MACROD1: variants seen among roughly 807,000 people sequenced by gnomAD.
MACROD1 encodes mono-ADP ribosylhydrolase 1, also known as ADP-ribose glycohydrolase MACROD1.
MACROD1 carries 31 observed loss-of-function variants against 41.4 expected under a neutral mutation model. The ratio of observed to expected loss-of-function variants is 0.75; its 90% confidence interval spans 0.56 to 1.01. The LOEUF (loss-of-function observed/expected upper bound fraction) is 1.01. MACROD1 is among the 50% of genes least tolerant of loss of function. MACROD1 has a pLI of 0.00. For missense variants in MACROD1, 473 were observed against 460.0 expected, an observed-to-expected ratio of 1.03 and a Z score of -0.26; for synonymous variants, 252 against 203.4, an observed-to-expected ratio of 1.24 and a Z score of -2.03.
intron 3 of MACROD1, among the ~76,000 whole-genome samples, chr11:64,042,960 C>G (rs772953559): frequency 3.9e-5 from 6 of 152,244 alleles, no homozygotes; most frequent in Non-Finnish European, 7.3e-5. Context: ...GAGACACGCC[C>G]TGTCCAGTGC....
rs764292843 is a variant in MACROD1 at position 64,061,761 on chromosome 11, A to G, written c.518-46480T>C. ...GTCACCCAAGCTGGAGTGCAATGGCACGATCACAGCTCACTGCAGCCTCAA... is the reference window on the plus strand; with the variant it reads ...GTCACCCAAGCTGGAGTGCAATGGCGCGATCACAGCTCACTGCAGCCTCAA... On this transcript the variant is annotated intron_variant, in intron 3 of 10. Transcript: ENST00000255681. 1.8e-3 allele frequency among the ~76,000 whole-genome samples: 271 copies of G among 150,274 alleles called. 1 individual carries two copies. Among genetic ancestry groups the G allele is most frequent in the Non-Finnish European group, 6.0e-4 (41 of 67,790 alleles).
chr11:64,027,479 A>T (rs984206628), intron 3 of MACROD1, among the ~76,000 whole-genome samples: 7 of 152,120 alleles, frequency 4.6e-5, no homozygotes, highest in African/African-American at 1.2e-4. Context: ...ATGGGACTGG[A>T]TCAAGGATGC....
At chr11:64,021,481 A>G (rs1943151454) in intron 3 of MACROD1, among the ~76,000 whole-genome samples, 1 of 152,078 alleles carries the variant, frequency 6.6e-6, no homozygotes, top group Non-Finnish European at 1.5e-5. Context: ...GACCCAAGGA[A>G]AGCGCTGAGC....
At chr11:64,155,513 C>T (rs908689946) in intron 1 of MACROD1, among the ~76,000 whole-genome samples, 5 of 152,212 alleles carry the variant, frequency 3.3e-5, no homozygotes, top group African/African-American at 1.2e-4. Flanking sequence ...CTTGCTAACA[C>T]CCAGGCTTGC....
chr11:64,046,591 G>A (rs376067080), intron 3 of MACROD1, among the ~76,000 whole-genome samples: 2 of 152,096 alleles, frequency 1.3e-5, no homozygotes, highest in Admixed American at 6.5e-5. Flanking sequence ...TGTTCTCGTC[G>A]CTCAGGCTAG....
chr11:64,015,243 TC>T lies in MACROD1; in HGVS notation c.547+8del. 1 of 1,583,642 alleles carries T rather than the reference TC, an allele frequency of 6.3e-7. No individual in the cohort carries two copies. Among genetic ancestry groups the T allele is most frequent in the Non-Finnish European group, 8.6e-7 (1 of 1,165,018 alleles). On this transcript the variant is annotated splice_region_variant and intron_variant, in intron 4 of 10. Coordinates refer to ENST00000255681, the MANE Select transcript of MACROD1 (RefSeq NM_014067.4). The stretch of plus-strand genomic sequence containing the variant: ...ACCCCACCCCCACCAAGACAGAAGG[TC>T]CACTCACCGCCACCGCCTCCGAGCA...
At chr11:64,066,830 G>A (rs957639009) in intron 3 of MACROD1, among the ~76,000 whole-genome samples, 2 of 152,158 alleles carry the variant, frequency 1.3e-5, no homozygotes, top group African/African-American at 2.4e-5. Context: ...GAGGCAACTT[G>A]AGGCTCAGAC....
intron 3 of MACROD1, among the ~76,000 whole-genome samples, chr11:64,097,738 G>A (rs1590904297): frequency 3.9e-5 from 6 of 152,190 alleles, no homozygotes; most frequent in African/African-American, 4.8e-5. Context: ...CTGGGGGCCC[G>A]GAGCGAGTGG....
chr11:64,094,494 A>G (rs1944542848), intron 3 of MACROD1, among the ~76,000 whole-genome samples: 1 of 151,948 alleles, frequency 6.6e-6, no homozygotes, highest in Admixed American at 6.5e-5. Context: ...GGGTCAGGGA[A>G]GCTTCCTGGA....
At chr11:64,022,558 G>A (rs1943171699) in intron 3 of MACROD1, among the ~76,000 whole-genome samples, 1 of 152,174 alleles carries the variant, frequency 6.6e-6, no homozygotes, top group Non-Finnish European at 1.5e-5. Context: ...ACTTGAGGGC[G>A]AGTCGTTTAA....
intron 3 of MACROD1, among the ~76,000 whole-genome samples, chr11:64,089,295 G>C (rs944010880): frequency 6.6e-6 from 1 of 152,160 alleles, no homozygotes; most frequent in Non-Finnish European, 1.5e-5. Flanking sequence ...CTGTGAGACC[G>C]GGGTAGGGCA....
chr11:64,006,395 G>A (rs983346225), intron 4 of MACROD1, among the ~76,000 whole-genome samples: 1 of 152,222 alleles, frequency 6.6e-6, no homozygotes, highest in African/African-American at 2.4e-5. Flanking sequence ...CCAGCAGGGT[G>A]CAGAGCCCAT....
At chr11:64,116,712 C>A (rs774763930) in intron 3 of MACROD1, 1 of 1,613,728 alleles carries the variant, frequency 6.2e-7, no homozygotes, top group Non-Finnish European at 8.5e-7. Context: ...CTCGCTGGCC[C>A]GCATCCCGCT....
intron 3 of MACROD1, among the ~76,000 whole-genome samples, chr11:64,021,166 G>A (rs1943147671): frequency 1.3e-5 from 2 of 152,240 alleles, no homozygotes; most frequent in Non-Finnish European, 2.9e-5. Flanking sequence ...GGTGCCCAGA[G>A]TCACTCAGCT....
chr11:64,121,284 C>G (rs934048630), intron 3 of MACROD1, among the ~76,000 whole-genome samples: 2 of 152,232 alleles, frequency 1.3e-5, no homozygotes, highest in East Asian at 3.9e-4. Context: ...CTTGCACTAA[C>G]TGGGCGAGGG....
At chr11:64,021,189 G>T (rs1174822247) in intron 3 of MACROD1, among the ~76,000 whole-genome samples, 3 of 152,190 alleles carry the variant, frequency 2.0e-5, no homozygotes, top group African/African-American at 7.2e-5. Flanking sequence ...ATTTAAGCTG[G>T]GTCTGCCTGC....
chr11:64,151,040 C>T (rs1330787797), intron 3 of MACROD1, among the ~76,000 whole-genome samples, 199 bp downstream of exon 3: 2 of 152,236 alleles, frequency 1.3e-5, no homozygotes, highest in Admixed American at 6.5e-5. Context: ...AAGGCGCCCC[C>T]GACACAGCAG....
At chr11:64,152,032 G>A (rs955297081) in intron 2 of MACROD1, among the ~76,000 whole-genome samples, 1 of 152,214 alleles carries the variant, frequency 6.6e-6, no homozygotes, top group African/African-American at 2.4e-5. Context: ...AGGAGGCTGA[G>A]GCAGGAGAAT....
At chr11:64,029,079 G>A (rs1943260925) in intron 3 of MACROD1, among the ~76,000 whole-genome samples, 1 of 152,254 alleles carries the variant, frequency 6.6e-6, no homozygotes, top group African/African-American at 2.4e-5. Flanking sequence ...ACCATCTGTG[G>A]CCTTAGCTTT....
Sources: gnomAD v4.1 joint callset for allele counts (sites outside exome capture counted in the v4.1 genomes callset) on GRCh38, gnomAD v4.1.1 for gene constraint, MANE v1.5 for transcripts, NCBI Gene and HGNC (gene_info 2026-07-23, HGNC 2026-07-21) for gene names.